Variants in MSI2 observed in about 807,000 individuals in gnomAD.
MSI2 encodes RNA-binding protein Musashi homolog 2.
A neutral mutation model predicts 45.6 loss-of-function variants in MSI2; 17 were observed. That is an observed-to-expected ratio of 0.37 (90% CI 0.26 to 0.56). MSI2 has a LOEUF of 0.56. MSI2 is among the 20% of genes least tolerant of loss of function. The pLI is 0.77. For synonymous variants in MSI2, 156 were observed against 158.2 expected (o/e 0.99, Z 0.11); for missense variants, 293 against 444.2 (o/e 0.66, Z 3.06).
chr17:57,530,635 G>A (rs1319728521), intron 7 of MSI2, among the ~76,000 whole-genome samples: 1 of 152,174 alleles, frequency 6.6e-6, no homozygotes, highest in East Asian at 1.9e-4. Flanking sequence ...CCTCAAGGGA[G>A]GGAGCCTGTG....
At position 57,492,635 on chromosome 17, in the gene MSI2, G is replaced by A. The variant is rs559529529; in HGVS notation, c.406-37041G>A. Among the ~76,000 whole-genome samples the A allele has an allele frequency of 1.9e-4, 29 of 151,976 alleles. No individual in the cohort carries two copies. In the South Asian group the frequency reaches 5.4e-3, roughly 28 times the overall value. ...TTGTTTTGTTTTTTTTTGAGACAGAGTTTTGCTCTTGTTGCCCAGGCTGTA... is the reference window on the plus strand; with the variant it reads ...TTGTTTTGTTTTTTTTTGAGACAGAATTTTGCTCTTGTTGCCCAGGCTGTA... On this transcript the variant is annotated intron_variant, in intron 6 of 13. Coordinates refer to ENST00000284073, the MANE Select transcript of MSI2 (RefSeq NM_138962.4).
At chr17:57,479,305 G>C (rs2085603155) in intron 6 of MSI2, among the ~76,000 whole-genome samples, 1 of 152,088 alleles carries the variant, frequency 6.6e-6, no homozygotes, top group Non-Finnish European at 1.5e-5. Context: ...TGCGTACTGG[G>C]GCATGCAGGA....
At chr17:57,425,995 A>C (rs2084484788) in intron 6 of MSI2, among the ~76,000 whole-genome samples, 1 of 152,062 alleles carries the variant, frequency 6.6e-6, no homozygotes, top group Non-Finnish European at 1.5e-5. Flanking sequence ...AAGAGTGAGG[A>C]ATCTGTTATA....
chr17:57,535,007 A>G (rs2099156665), intron 7 of MSI2, among the ~76,000 whole-genome samples: 1 of 152,158 alleles, frequency 6.6e-6, no homozygotes, highest in Non-Finnish European at 1.5e-5. Context: ...GTGGGGCTGG[A>G]GGGGAGGGAC....
the MSI2 span, among the ~76,000 whole-genome samples, chr17:57,692,924 G>A: frequency 2.3e-5 from 3 of 129,018 alleles, no homozygotes; most frequent in Non-Finnish European, 5.0e-5. Context: ...TCTTTGTTTT[G>A]TCTCTTTGTT....
At chr17:57,583,488 C>CTGTTTTTTTTGTTTTTTTTTTTTT in intron 7 of MSI2, among the ~76,000 whole-genome samples, 1 of 98,044 alleles carries the variant, frequency 1.0e-5, no homozygotes, top group Non-Finnish European at 2.1e-5. Flanking sequence ...CCCAATGTTT[C>CTGTTTTTTTTGTTTTTTTTTTTTT]TTTTTTTTTT....
chr17:57,399,035 G>A (rs1216917487), intron 5 of MSI2, among the ~76,000 whole-genome samples: 7 of 152,246 alleles, frequency 4.6e-5, no homozygotes, highest in Non-Finnish European at 8.8e-5. Context: ...ATTCATGAGT[G>A]TAGGGACAGA....
At position 57,479,125 on chromosome 17, in the gene MSI2, G is replaced by A. The variant is rs192307297; in HGVS notation, c.406-50551G>A. Among the ~76,000 whole-genome samples, 118 of 152,264 alleles carry A rather than the reference G, an allele frequency of 7.7e-4. No individual in the cohort carries two copies. The Middle Eastern group carries it at 0.02, about 26-fold the overall frequency. On this transcript the variant is annotated intron_variant, in intron 6 of 13. Coordinates refer to ENST00000284073, the MANE Select transcript of MSI2 (RefSeq NM_138962.4). ...TGCTTTGGCAGAGTGGCACCTTCCA[G>A]CCAATAGAGCCCTACAAAATGATGG...
At chr17:57,665,185 G>A (rs73314784) in intron 11 of MSI2, among the ~76,000 whole-genome samples, 3,843 of 152,240 alleles carry the variant, frequency 0.025, 148 homozygotes, top group African/African-American at 0.086. Flanking sequence ...CACCCTCCAG[G>A]GTGGACCAAG....
chr17:57,587,134 G>A (rs1349871886), intron 7 of MSI2, among the ~76,000 whole-genome samples: 3 of 152,120 alleles, frequency 2.0e-5, no homozygotes, highest in Non-Finnish European at 4.4e-5. Flanking sequence ...TCTGCTGCAG[G>A]ACCATACCCA....
At chr17:57,478,449 G>A (rs1004072610) in intron 6 of MSI2, among the ~76,000 whole-genome samples, 2 of 152,194 alleles carry the variant, frequency 1.3e-5, no homozygotes, top group African/African-American at 4.8e-5. Context: ...AGGATGCACT[G>A]CCAGATATCT....
At chr17:57,389,505 C>T (rs913868901) in intron 5 of MSI2, among the ~76,000 whole-genome samples, 1 of 152,168 alleles carries the variant, frequency 6.6e-6, no homozygotes, top group African/African-American at 2.4e-5. Flanking sequence ...AGGTCATGCC[C>T]AGCCCTGTGC....
At chr17:57,301,052 C>T (rs1474979005) in intron 5 of MSI2, among the ~76,000 whole-genome samples, 2 of 152,108 alleles carry the variant, frequency 1.3e-5, no homozygotes, top group Admixed American at 1.3e-4. Flanking sequence ...AGAGGCGGGG[C>T]TGTGAGGAGT....
At chr17:57,453,818 C>G (rs2085063040) in intron 6 of MSI2, among the ~76,000 whole-genome samples, 1 of 152,244 alleles carries the variant, frequency 6.6e-6, no homozygotes, top group Non-Finnish European at 1.5e-5. Flanking sequence ...AGGATAGGTA[C>G]TGTCATCATT....
chr17:57,274,982 C>G (rs1379674555), intron 5 of MSI2, among the ~76,000 whole-genome samples: 1 of 152,166 alleles, frequency 6.6e-6, no homozygotes, highest in Non-Finnish European at 1.5e-5. Flanking sequence ...GAATTCTTTT[C>G]TCCATAAACA....
intron 7 of MSI2, among the ~76,000 whole-genome samples, chr17:57,588,090 G>A (rs552706485): frequency 6.6e-6 from 1 of 152,260 alleles, no homozygotes; most frequent in East Asian, 1.9e-4. Flanking sequence ...CCCAAAGAGA[G>A]GCTGCTTATT....
chr17:57,280,660 GC>G lies in MSI2; in HGVS notation c.312+18469del, dbSNP rs1479378986. On this transcript the variant is annotated intron_variant, in intron 5 of 13. Coordinates refer to ENST00000284073, the MANE Select transcript of MSI2 (RefSeq NM_138962.4). The surrounding 1 kb of genome is among the most constrained non-coding windows in gnomAD (Gnocchi z 4.2). ...GGGGTTGAGTGTAACCCCTTGGCTG[GC>G]AATCGGCATACTCTTAGTGACGGAC... Among the ~76,000 whole-genome samples the G allele has an allele frequency of 1.3e-5, 2 of 152,120 alleles. No individual in the cohort carries two copies. Among genetic ancestry groups the G allele is most frequent in the Admixed American group, 6.5e-5 (1 of 15,282 alleles).
intron 6 of MSI2, among the ~76,000 whole-genome samples, chr17:57,435,833 G>T (rs181018193): frequency 6.6e-5 from 10 of 152,180 alleles, no homozygotes; most frequent in Non-Finnish European, 1.2e-4. Flanking sequence ...GGAGGGGTAG[G>T]GGGTAAGCCC....
At chr17:57,525,776 C>A (rs999228106) in intron 6 of MSI2, among the ~76,000 whole-genome samples, 5 of 152,232 alleles carry the variant, frequency 3.3e-5, no homozygotes, top group Admixed American at 3.3e-4. Context: ...CCTTCTGTCT[C>A]CCTCAGGGGA....
Sources: allele counts gnomAD v4.1 joint callset (sites outside exome capture counted in the v4.1 genomes callset), GRCh38; gene constraint gnomAD v4.1.1; non-coding constraint Gnocchi (gnomAD v3.1); transcripts MANE v1.5; gene names NCBI Gene and HGNC (gene_info 2026-07-23, HGNC 2026-07-21).